ABCC9: variants seen among roughly 807,000 people sequenced by gnomAD.
ABCC9 encodes ATP-binding cassette sub-family C member 9.
A neutral mutation model predicts 188.3 loss-of-function variants in ABCC9; 95 were observed. The observed-to-expected ratio is 0.50, with a 90% CI of 0.43 to 0.60. The LOEUF is 0.60. Among genes scored for constraint, ABCC9 ranks in the 20% least tolerant of loss-of-function variants. The probability of loss-of-function intolerance (pLI) is 0.00; values close to 1 mark genes in which losing one functional copy is unlikely to be tolerated. For synonymous variants in ABCC9, 659 were observed against 652.7 expected (o/e 1.01, Z -0.15); for missense variants, 1,102 against 1,876.3 (o/e 0.59, Z 7.62).
At chr12:21,818,488 A>G (rs949052866) in intron 31 of ABCC9, among the ~76,000 whole-genome samples, 2 of 146,160 alleles carry the variant, frequency 1.4e-5, no homozygotes, top group Non-Finnish European at 3.0e-5. Flanking sequence ...ATATCTATCT[A>G]TATATATATC....
chr12:21,844,950 A>G, intron 26 of ABCC9, 35 bp from the exon 27 acceptor site: 1 of 1,611,136 alleles, frequency 6.2e-7, no homozygotes, highest in Non-Finnish European at 8.5e-7. Flanking sequence ...CACATAGGAA[A>G]TTATCAATGG....
At chr12:21,812,790 T>A (rs1164568192) in intron 35 of ABCC9, among the ~76,000 whole-genome samples, 1 of 152,162 alleles carries the variant, frequency 6.6e-6, no homozygotes, top group African/African-American at 2.4e-5. Context: ...ATGGCACATG[T>A]ATACCTATGT....
At chr12:21,841,548 G>A (rs952203580) in intron 29 of ABCC9, among the ~76,000 whole-genome samples, 1 of 151,412 alleles carries the variant, frequency 6.6e-6, no homozygotes, top group East Asian at 2.0e-4. Flanking sequence ...TAGTAAAGAC[G>A]GGGTTTCACC....
intron 3 of ABCC9, 81 bp downstream of exon 3, chr12:21,936,452 A>T: frequency 2.4e-6 from 3 of 1,252,504 alleles, no homozygotes; most frequent in Non-Finnish European, 3.4e-6. Context: ...ACAGAAATTA[A>T]GTCAACATTA....
intron 4 of ABCC9, 22 bp from the exon 5 acceptor site, chr12:21,926,085 C>G (rs145844941): frequency 6.2e-7 from 1 of 1,613,754 alleles, no homozygotes; most frequent in Non-Finnish European, 8.5e-7. Context: ...AGTACGTCAA[C>G]GCCTAAAGCT....
intron 31 of ABCC9, among the ~76,000 whole-genome samples, chr12:21,823,808 A>C (rs1217256718): frequency 6.6e-6 from 1 of 152,210 alleles, no homozygotes; most frequent in Admixed American, 6.5e-5. Flanking sequence ...GACACATTGC[A>C]CTCAACCGCG....
chr12:21,932,756 G>A (rs1346597998), intron 4 of ABCC9, among the ~76,000 whole-genome samples: 1 of 152,016 alleles, frequency 6.6e-6, no homozygotes, highest in Non-Finnish European at 1.5e-5. Context: ...TGAGGCTGTG[G>A]AGAAAATAGA....
intron 18 of ABCC9, 22 bp downstream of exon 18, chr12:21,872,603 A>G (rs1946136962): frequency 3.2e-6 from 5 of 1,553,788 alleles, no homozygotes; most frequent in Non-Finnish European, 4.4e-6. Flanking sequence ...TAGCAATGGA[A>G]GCCAACTAAA....
At chr12:21,807,916 G>GT (rs1222524280) in intron 37 of ABCC9, among the ~76,000 whole-genome samples, 5 of 151,970 alleles carry the variant, frequency 3.3e-5, no homozygotes, top group Non-Finnish European at 7.4e-5. Context: ...TTTCTGGACT[G>GT]TAAGTACCAA....
chr12:21,914,490 T>C (rs576067053), intron 7 of ABCC9, among the ~76,000 whole-genome samples: 2 of 152,332 alleles, frequency 1.3e-5, no homozygotes, highest in East Asian at 1.9e-4. Flanking sequence ...ATTTAGTCTC[T>C]CATTTTGAAC....
intron 29 of ABCC9, among the ~76,000 whole-genome samples, chr12:21,840,040 G>C (rs976381782): frequency 4.6e-5 from 7 of 152,210 alleles, no homozygotes; most frequent in African/African-American, 1.7e-4. Flanking sequence ...ACTGTGGAAG[G>C]AGGAAGCTTT....
At chr12:21,912,741 C>T in intron 8 of ABCC9, 131 bp downstream of exon 8, 1 of 877,282 alleles carries the variant, frequency 1.1e-6, no homozygotes, top group East Asian at 2.7e-5. Context: ...TGTTTTCTTT[C>T]TTTTAGAAAG....
intron 30 of ABCC9, among the ~76,000 whole-genome samples, chr12:21,834,240 G>A (rs1943946269): frequency 6.6e-6 from 1 of 152,082 alleles, no homozygotes; most frequent in Non-Finnish European, 1.5e-5. Flanking sequence ...CCACTATCCT[G>A]ATTTTTTGCC....
At position 21,906,225 on chromosome 12, in the gene ABCC9, A is replaced by G. The variant is rs1454982627; in HGVS notation, c.1519T>C (p.Leu507=). Residue 507 remains leucine (L), a synonymous_variant, in exon 12 of 40, where the codon TTG becomes CTG. Coordinates refer to ENST00000261200, the MANE Select transcript of ABCC9 (RefSeq NM_020297.4). The part of the protein sequence containing the change: ...EILKGIKLLK[L]YAWEHIFCKS... The stretch of plus-strand genomic sequence containing the variant: ...CAGAAAATGTGTTCCCAGGCATACA[A>G]TTTTAGAAGTTTGATGCCTTTCAAT... 3.1e-6 allele frequency: 5 copies of G among 1,613,044 alleles called. No homozygotes were observed. The highest frequency in any genetic ancestry group is 4.2e-6 in the Non-Finnish European group (5 of 1,179,356).
rs368520467 is a variant in ABCC9, at chr12:21,866,184, T to C, written c.2199-1707A>G. Among the ~76,000 whole-genome samples the C allele has an allele frequency of 1.4e-4, 22 of 152,108 alleles. 1 individual carries two copies. Among genetic ancestry groups the C allele is most frequent in the African/African-American group, 5.3e-4 (22 of 41,488 alleles). Reference sequence around the variant, plus strand: ...GCTGAAATGTAGGTGTAAATGGCAATGAACTTAAAAAGTAAGCACAGCCAG... The same window carrying C: ...GCTGAAATGTAGGTGTAAATGGCAACGAACTTAAAAAGTAAGCACAGCCAG... On this transcript the variant is annotated intron_variant, in intron 18 of 39. Coordinates refer to ENST00000261200, the MANE Select transcript of ABCC9 (RefSeq NM_020297.4).
chr12:21,905,253 G>A (rs879428479), intron 12 of ABCC9, among the ~76,000 whole-genome samples: 19 of 152,020 alleles, frequency 1.2e-4, no homozygotes, highest in Admixed American at 9.2e-4. Context: ...ATCACACACC[G>A]GGGCCTGTCG....
At position 21,911,180 on chromosome 12, in the gene ABCC9, G is replaced by GA. The variant is rs201890839; in HGVS notation, c.1012-203dup. Among the ~76,000 whole-genome samples, 3 of 150,780 alleles carry GA rather than the reference G, an allele frequency of 2.0e-5. No homozygotes were observed. The East Asian group carries it at 5.8e-4, about 29-fold the overall frequency. On this transcript the variant is annotated intron_variant, in intron 8 of 39. Coordinates refer to ENST00000261200, the MANE Select transcript of ABCC9 (RefSeq NM_020297.4). ...TGAGTGATGGAAATGCCTAATTGAAGAAAAAAAAGGTAGAATTTATTTTTA... is the reference window on the plus strand; with the variant it reads ...TGAGTGATGGAAATGCCTAATTGAAGAAAAAAAAAGGTAGAATTTATTTTTA...
chr12:21,807,017 T>C (rs1941903407), intron 38 of ABCC9, among the ~76,000 whole-genome samples: 1 of 152,212 alleles, frequency 6.6e-6, no homozygotes, highest in Non-Finnish European at 1.5e-5. Flanking sequence ...TCGTACTGCA[T>C]TTCAGAACTT....
chr12:21,855,281 A>G (rs1486279095), intron 22 of ABCC9, among the ~76,000 whole-genome samples: 1 of 152,124 alleles, frequency 6.6e-6, no homozygotes, highest in Non-Finnish European at 1.5e-5. Context: ...GTGCAATGGC[A>G]TGATCTCAGC....
Sources: gnomAD v4.1 joint callset for allele counts (sites outside exome capture counted in the v4.1 genomes callset) on GRCh38, gnomAD v4.1.1 for gene constraint, MANE v1.5 for transcripts, NCBI Gene and HGNC (gene_info 2026-07-23, HGNC 2026-07-21) for gene names.